Variants in LRBA observed in about 807,000 individuals in gnomAD.
LRBA encodes the protein LPS responsive beige-like anchor protein.
Under a neutral mutation model 330.0 loss-of-function variants are expected in LRBA, and 176 were observed. The observed-to-expected ratio is 0.53, with a 90% CI of 0.47 to 0.60. LRBA has a LOEUF of 0.60. Among genes scored for constraint, LRBA ranks in the 20% least tolerant of loss-of-function variants. The pLI, the probability that LRBA is intolerant of heterozygous loss-of-function variation, is 0.00. For synonymous variants in LRBA, 1,230 were observed against 1,193.0 expected, an observed-to-expected ratio of 1.03 and a Z score of -0.64; for missense variants, 3,259 against 3,444.8, an observed-to-expected ratio of 0.95 and a Z score of 1.35.
chr4:150,949,191 C>T (rs1031157328), intron 2 of LRBA, among the ~76,000 whole-genome samples: 28 of 152,132 alleles, frequency 1.8e-4, no homozygotes, highest in Admixed American at 5.2e-4. Flanking sequence ...GGAAATCACT[C>T]GGATGTCCTT....
chr4:150,854,330 G>A (rs1750967630), intron 22 of LRBA, among the ~76,000 whole-genome samples: 1 of 152,094 alleles, frequency 6.6e-6, no homozygotes, highest in Non-Finnish European at 1.5e-5. Flanking sequence ...ACAGTAAAAT[G>A]ACATAATCAC....
intron 44 of LRBA, among the ~76,000 whole-genome samples, chr4:150,442,718 T>A (rs1326895076): frequency 6.6e-6 from 1 of 152,188 alleles, no homozygotes; most frequent in East Asian, 1.9e-4. Context: ...GAATACAAGA[T>A]GGCTGAACTC....
chr4:150,785,325 C>A (rs1247553160), intron 34 of LRBA, among the ~76,000 whole-genome samples: 1 of 152,174 alleles, frequency 6.6e-6, no homozygotes, highest in South Asian at 2.1e-4. Flanking sequence ...CATAGGTTCA[C>A]AGTAGTGATG....
chr4:150,515,473 T>C (rs1043322988), intron 40 of LRBA, among the ~76,000 whole-genome samples: 5 of 152,188 alleles, frequency 3.3e-5, no homozygotes, highest in Non-Finnish European at 5.9e-5. Flanking sequence ...GTCAGTCATG[T>C]AGGCTTCTCA....
At chr4:150,865,492 C>G (rs1281433885) in intron 22 of LRBA, among the ~76,000 whole-genome samples, 1 of 152,140 alleles carries the variant, frequency 6.6e-6, no homozygotes, top group Admixed American at 6.5e-5. Flanking sequence ...TTAAACAAAA[C>G]TGATCAACCT....
At chr4:150,426,305 T>C (rs1464323942) in intron 46 of LRBA, among the ~76,000 whole-genome samples, 1 of 151,940 alleles carries the variant, frequency 6.6e-6, no homozygotes, top group Non-Finnish European at 1.5e-5. Context: ...ACCAACCCCA[T>C]AAATATTATG....
chr4:150,308,265 C>T (rs1182146993), intron 52 of LRBA, among the ~76,000 whole-genome samples: 2 of 152,060 alleles, frequency 1.3e-5, no homozygotes, highest in Non-Finnish European at 2.9e-5. Flanking sequence ...TGATGGTGGT[C>T]CCATGATATT....
Position 150,577,736 on chromosome 4 carries a change from G to C in LRBA, c.6330+10312C>G, listed in dbSNP as rs911872692. Among the ~76,000 whole-genome samples, 3 of 152,000 alleles carry C rather than the reference G, an allele frequency of 2.0e-5. No individual in the cohort carries two copies. In the East Asian group the frequency reaches 5.8e-4, roughly 29 times the overall value. ...TATTTTTACAGATAATAAAATAATAGATACCTTTTAAGTCTCGTTAACATG... is the reference window on the plus strand; with the variant it reads ...TATTTTTACAGATAATAAAATAATACATACCTTTTAAGTCTCGTTAACATG... On this transcript the variant is annotated intron_variant, in intron 40 of 56. Transcript: ENST00000651943.
chr4:150,612,598 T>G (rs937263574), intron 37 of LRBA, among the ~76,000 whole-genome samples: 12 of 152,226 alleles, frequency 7.9e-5, no homozygotes, highest in Admixed American at 7.2e-4. Context: ...TCTCTTTCTT[T>G]GCTACATTTC....
intron 23 of LRBA, among the ~76,000 whole-genome samples, chr4:150,851,631 T>C (rs1298272348): frequency 6.6e-6 from 1 of 152,362 alleles, no homozygotes; most frequent in Non-Finnish European, 1.5e-5. Flanking sequence ...ACTAAAATTA[T>C]ACCAATCCTT....
chr4:150,665,017 C>G (rs1781448733), intron 37 of LRBA, among the ~76,000 whole-genome samples: 1 of 152,156 alleles, frequency 6.6e-6, no homozygotes, highest in Non-Finnish European at 1.5e-5. Flanking sequence ...CTATGACTTC[C>G]TGAATCTTGT....
At chr4:150,917,742 C>T (rs1732796244) in intron 5 of LRBA, among the ~76,000 whole-genome samples, 1 of 152,004 alleles carries the variant, frequency 6.6e-6, no homozygotes, top group African/African-American at 2.4e-5. Flanking sequence ...GCCTGGCCAA[C>T]ATGGTGAAAC....
intron 17 of LRBA, among the ~76,000 whole-genome samples, chr4:150,885,683 GA>G (rs949064437): frequency 1.5e-4 from 23 of 151,726 alleles, no homozygotes; most frequent in African/African-American, 4.6e-4. Context: ...CAAAGACAAT[GA>G]AAAAAACCTT....
chr4:150,869,775 C>T (rs1753203050), intron 20 of LRBA, among the ~76,000 whole-genome samples: 1 of 152,058 alleles, frequency 6.6e-6, no homozygotes, highest in South Asian at 2.1e-4. Flanking sequence ...GCACTTAGAC[C>T]AGGTGCAGTA....
chr4:150,436,953 T>C (rs907361166), intron 44 of LRBA, 89 bp from the exon 45 acceptor site: 85 of 1,191,528 alleles, frequency 7.1e-5, no homozygotes, highest in Non-Finnish European at 9.3e-5. Context: ...TACTGGTAAG[T>C]ATAAAAGTGA....
intron 53 of LRBA, among the ~76,000 whole-genome samples, chr4:150,288,145 C>A (rs1748381392): frequency 6.6e-6 from 1 of 152,220 alleles, no homozygotes; most frequent in Non-Finnish European, 1.5e-5. Context: ...GCGCCCGCCA[C>A]TGCGCCCAGC....
At chr4:150,491,091 T>A in intron 40 of LRBA, 56 bp from the exon 41 acceptor site, 1 of 798,454 alleles carries the variant, frequency 1.3e-6, no homozygotes, top group Non-Finnish European at 1.9e-6. Flanking sequence ...TTTGTTGTTG[T>A]TTCTTTCCCC....
At chr4:150,587,703 A>G (rs536497377) in intron 40 of LRBA, among the ~76,000 whole-genome samples, 66 of 152,200 alleles carry the variant, frequency 4.3e-4, no homozygotes, top group Non-Finnish European at 7.1e-4. Flanking sequence ...GGCTAAACAA[A>G]ATAATTCCAC....
At chr4:150,759,058 A>T (rs1372554572) in intron 35 of LRBA, among the ~76,000 whole-genome samples, 9 of 151,464 alleles carry the variant, frequency 5.9e-5, no homozygotes, top group Non-Finnish European at 1.2e-4. Flanking sequence ...CTGGTACTAT[A>T]GGCACCTGCC....
Sources: gnomAD v4.1 joint callset for allele counts (sites outside exome capture counted in the v4.1 genomes callset) on GRCh38, gnomAD v4.1.1 for gene constraint, MANE v1.5 for transcripts, NCBI Gene and HGNC (gene_info 2026-07-23, HGNC 2026-07-21) for gene names.